Variants in SLC7A14 observed in about 807,000 individuals in gnomAD.
The protein encoded by SLC7A14 is solute carrier family 7 member 14, also known as gamma-aminobutyric acid transporter SLC7A14.
Under a neutral mutation model 60.2 loss-of-function variants are expected in SLC7A14, and 37 were observed. The ratio of observed to expected loss-of-function variants is 0.61; its 90% CI spans 0.47 to 0.81. SLC7A14 has a LOEUF of 0.81. SLC7A14 is among the 30% of genes least tolerant of loss of function. SLC7A14 has a pLI of 0.00. For missense variants in SLC7A14, 886 were observed against 982.7 expected, an observed-to-expected ratio of 0.90 and a Z score of 1.32; for synonymous variants, 399 against 395.8, an observed-to-expected ratio of 1.01 and a Z score of -0.10.
At chr3:170,575,714 C>A (rs1715071229) in intron 1 of SLC7A14, among the ~76,000 whole-genome samples, 1 of 152,142 alleles carries the variant, frequency 6.6e-6, no homozygotes. Context: ...AATTTACTAG[C>A]TGACTTTGGG....
chr3:170,490,770 T>C (rs527434988), intron 4 of SLC7A14, among the ~76,000 whole-genome samples: 7 of 152,364 alleles, frequency 4.6e-5, no homozygotes, highest in African/African-American at 1.7e-4. Context: ...GAACAAGTTC[T>C]TAACCTCTTG....
intron 3 of SLC7A14, among the ~76,000 whole-genome samples, chr3:170,499,236 C>CAAAAAAAAAAAAAAAAAA (rs11336080): frequency 5.0e-5 from 3 of 59,914 alleles, no homozygotes; most frequent in African/African-American, 2.1e-4. Context: ...GACTCTGTCT[C>CAAAAAAAAAAAAAAAAAA]AAAAAAAAAA....
At chr3:170,565,864 G>GA (rs891253569) in intron 1 of SLC7A14, among the ~76,000 whole-genome samples, 1 of 152,014 alleles carries the variant, frequency 6.6e-6, no homozygotes, top group Admixed American at 6.6e-5. Flanking sequence ...AAGAGTAATG[G>GA]AAAAAAACAA....
intron 1 of SLC7A14, among the ~76,000 whole-genome samples, chr3:170,578,962 C>T (rs1211516905): frequency 1.3e-5 from 2 of 152,120 alleles, no homozygotes; most frequent in Non-Finnish European, 2.9e-5. Flanking sequence ...ATAGTTCCAC[C>T]CCTGAAATTT....
chr3:170,531,898 A>G (rs1325714035), intron 1 of SLC7A14, among the ~76,000 whole-genome samples: 1 of 152,198 alleles, frequency 6.6e-6, no homozygotes, highest in Non-Finnish European at 1.5e-5. Flanking sequence ...CTCCAAGGAT[A>G]ATGATGATAA....
At chr3:170,583,675 T>C (rs565963198) in intron 1 of SLC7A14, among the ~76,000 whole-genome samples, 1 of 152,368 alleles carries the variant, frequency 6.6e-6, no homozygotes, top group Non-Finnish European at 1.5e-5. Flanking sequence ...TAATTCTAAA[T>C]ATGAAAGTAC....
At chr3:170,541,471 C>T (rs1173598377) in intron 1 of SLC7A14, among the ~76,000 whole-genome samples, 1 of 152,114 alleles carries the variant, frequency 6.6e-6, no homozygotes, top group East Asian at 1.9e-4. Context: ...GGTGGCACAC[C>T]TGTAGTCCTA....
At chr3:170,478,091 T>C (rs1711687509) in intron 7 of SLC7A14, among the ~76,000 whole-genome samples, 1 of 152,154 alleles carries the variant, frequency 6.6e-6, no homozygotes, top group Admixed American at 6.5e-5. Context: ...TTAAAAAAAT[T>C]TTTTGAAATG....
intron 5 of SLC7A14, 120 bp from the exon 6 acceptor site, chr3:170,483,642 C>T (rs868033138): frequency 9.6e-7 from 1 of 1,039,802 alleles, no homozygotes. Context: ...CAGTTTGGAT[C>T]CATTCACTTG....
At chr3:170,501,700 C>G (rs1240958054) in intron 2 of SLC7A14, among the ~76,000 whole-genome samples, 2 of 152,150 alleles carry the variant, frequency 1.3e-5, no homozygotes, top group East Asian at 3.8e-4. Flanking sequence ...TAGATGGCAC[C>G]AGGGTTATAT....
At chr3:170,474,261 C>T (rs945529921) in intron 7 of SLC7A14, among the ~76,000 whole-genome samples, 2 of 152,214 alleles carry the variant, frequency 1.3e-5, no homozygotes, top group African/African-American at 4.8e-5. Context: ...GAATTCTGTT[C>T]CAGGTAAGCT....
chr3:170,561,200 A>C (rs1443710121), intron 1 of SLC7A14, among the ~76,000 whole-genome samples: 1 of 152,168 alleles, frequency 6.6e-6, no homozygotes, highest in East Asian at 1.9e-4. Context: ...CCCACCCAGA[A>C]TTGTCAGCTC....
Position 170,501,116 on chromosome 3 carries a change from A to G in SLC7A14, c.534T>C (p.Asn178=), listed in dbSNP as rs142847499. The G allele has an allele frequency of 6.2e-7, 1 of 1,614,244 alleles. No homozygotes were observed. The highest frequency in any genetic ancestry group is 1.1e-5 in the South Asian group (1 of 91,084). The change falls in exon 3 of 8, where the codon AAT becomes AAC. Residue 178 remains asparagine, a synonymous_variant. Transcript: ENST00000231706. ...AGGATGTGGCAGTCTCACCCAGGCC[A>G]TTGAGGGTTCCCACGCTGTCCGCCA... The part of the protein sequence containing the change: ...RWMADSVGTL[N]GLGKGEESYP...
At chr3:170,548,463 G>A (rs1160777612) in intron 1 of SLC7A14, among the ~76,000 whole-genome samples, 1 of 152,214 alleles carries the variant, frequency 6.6e-6, no homozygotes, top group Non-Finnish European at 1.5e-5. Flanking sequence ...TACCTGTGCT[G>A]CAGTTGGTTT....
intron 6 of SLC7A14, among the ~76,000 whole-genome samples, chr3:170,482,469 C>T (rs1711864588): frequency 6.6e-6 from 1 of 152,204 alleles, no homozygotes; most frequent in African/African-American, 2.4e-5. Flanking sequence ...CTCTGCACAC[C>T]TGAGAGCTCC....
rs566422202 is a variant in SLC7A14 at position 170,533,164 on chromosome 3, T to C, written c.-152-6076A>G. Among the ~76,000 whole-genome samples, 9 of 152,314 alleles carry C rather than the reference T, an allele frequency of 5.9e-5. No homozygotes were observed. The South Asian group carries it at 1.9e-3, about 32-fold the overall frequency. On this transcript the variant is annotated intron_variant, in intron 1 of 7. Coordinates refer to ENST00000231706, the MANE Select transcript of SLC7A14 (RefSeq NM_020949.3). ...GATGGTGGATCCTCTCCTGAAGTCC[T>C]TGCTCTTCTACTCCTTCCAAGCTCA...
chr3:170,497,230 A>G (rs1391225405), intron 4 of SLC7A14, among the ~76,000 whole-genome samples: 1 of 152,122 alleles, frequency 6.6e-6, no homozygotes, highest in Non-Finnish European at 1.5e-5. Flanking sequence ...ATCATAAGAT[A>G]ATATAGATCT....
Position 170,585,190 on chromosome 3 carries a change from G to C in SLC7A14, c.-153+721C>G, listed in dbSNP as rs1432138518. On this transcript the variant is annotated intron_variant, in intron 1 of 7. Coordinates refer to ENST00000231706, the MANE Select transcript of SLC7A14 (RefSeq NM_020949.3). This position sits in a 1 kb window ranked among gnomAD's most constrained non-coding sequence, Gnocchi z 5.1. ...GGGAGAAGAGAGGAGACTGAGGGTT[G>C]AAGCAGTGCAGGAGAGCTCCCCTTG... is the stretch of plus-strand genomic sequence containing the variant. 6.6e-6 allele frequency among the ~76,000 whole-genome samples: 1 copy of C among 152,144 alleles called. No individual in the cohort carries two copies. Among genetic ancestry groups the C allele is most frequent in the African/African-American group, 2.4e-5 (1 of 41,444 alleles).
rs1462453273 is a variant in SLC7A14, at chr3:170,467,346, C to T, written c.2025G>A (p.Trp675Ter). 6.2e-7 allele frequency: 1 copy of T among 1,607,260 alleles called. No homozygotes were observed. The change falls in exon 8 of 8, where the codon TGG becomes TGA. Residue 675 changes from tryptophan (W) to a stop codon, truncating the protein, a stop_gained. Coordinates refer to ENST00000231706, the MANE Select transcript of SLC7A14 (RefSeq NM_020949.3). LOFTEE classifies it high-confidence loss of function. ...GAGCGCTGATTTCCAGGGTGCTGTT[C>T]CAGATGCCATATCCAAAATAAATGA... ...GLLIYFGYGIWNSTLEISARE... is the reference protein window; with the variant it reads ...GLLIYFGYGI
Sources: gnomAD v4.1 joint callset for allele counts (sites outside exome capture counted in the v4.1 genomes callset) on GRCh38, gnomAD v4.1.1 for gene constraint, Gnocchi (gnomAD v3.1) non-coding constraint, MANE v1.5 for transcripts, NCBI Gene and HGNC (gene_info 2026-07-23, HGNC 2026-07-21) for gene names.